Variants in DOCK3 observed in about 807,000 individuals in gnomAD.
DOCK3 encodes dedicator of cytokinesis protein 3.
Under a neutral mutation model 265.6 loss-of-function variants are expected in DOCK3, and 60 were observed. That is an observed-to-expected ratio of 0.23 (90% confidence interval 0.18 to 0.28). The LOEUF is 0.28. Among genes scored for constraint, DOCK3 ranks in the 10% least tolerant of loss-of-function variants. The probability of loss-of-function intolerance (pLI) is 1.00; values close to 1 mark genes in which losing one functional copy is unlikely to be tolerated. For synonymous variants in DOCK3, 881 were observed against 938.0 expected, an observed-to-expected ratio of 0.94 and a Z score of 1.11; for missense variants, 1,981 against 2,594.3, an observed-to-expected ratio of 0.76 and a Z score of 5.14.
At chr3:50,998,759 A>G (rs1559916728) in intron 5 of DOCK3, among the ~76,000 whole-genome samples, 1 of 152,248 alleles carries the variant, frequency 6.6e-6, no homozygotes, top group Non-Finnish European at 1.5e-5. Context: ...GCAAAGGATT[A>G]CTGAAATTTA....
chr3:50,885,384 A>G lies in DOCK3; in HGVS notation c.163-4642A>G, dbSNP rs549114564. Among the ~76,000 whole-genome samples the G allele has an allele frequency of 1.6e-4, 19 of 115,862 alleles. No homozygotes were observed. The East Asian group carries it at 4.3e-3, about 26-fold the overall frequency. 76.0% of individuals were successfully genotyped at this position (115,862 alleles called of 152,430 possible). On this transcript the variant is annotated intron_variant, in intron 3 of 52. Coordinates refer to ENST00000266037, the MANE Select transcript of DOCK3 (RefSeq NM_004947.5). ...ATGCAGTTTTTTTTTTTTTTTTTGTATGGGCATCATCTTTTCAACTCATTT... is the reference window on the plus strand; with the variant it reads ...ATGCAGTTTTTTTTTTTTTTTTTGTGTGGGCATCATCTTTTCAACTCATTT...
intron 51 of DOCK3, among the ~76,000 whole-genome samples, chr3:51,377,519 C>A (rs1414761974): frequency 1.3e-5 from 2 of 152,222 alleles, no homozygotes; most frequent in Non-Finnish European, 2.9e-5. Flanking sequence ...CGGCCTCAGG[C>A]CAGTGCTGGA....
At chr3:51,333,378 G>GC in intron 35 of DOCK3, 125 bp downstream of exon 35, 11 of 950,418 alleles carry the variant, frequency 1.2e-5, no homozygotes, top group Non-Finnish European at 1.8e-5. Flanking sequence ...GATATTGGGT[G>GC]CCATCACCAG....
intron 5 of DOCK3, among the ~76,000 whole-genome samples, chr3:50,951,808 A>G (rs1473769564): frequency 2.0e-5 from 3 of 152,276 alleles, no homozygotes; most frequent in Non-Finnish European, 2.9e-5. Context: ...AAAATAATAC[A>G]TAAGACCTCA....
At chr3:51,368,578 C>T (rs974235459) in intron 49 of DOCK3, among the ~76,000 whole-genome samples, 16 of 152,222 alleles carry the variant, frequency 1.1e-4, no homozygotes, top group Admixed American at 3.9e-4. Flanking sequence ...GGGTGGAGCC[C>T]ACTGCAGCTC....
rs552207914 is a variant in DOCK3, at chr3:50,839,805, G to A, written c.122-1870G>A. Among the ~76,000 whole-genome samples the A allele has an allele frequency of 1.5e-4, 20 of 136,624 alleles. No individual in the cohort carries two copies. In the South Asian group the frequency reaches 1.5e-3, roughly 10 times the overall value. The allele number at this position is 136,624 out of a possible 152,430, so 89.6% of individuals were successfully genotyped here. On this transcript the variant is annotated intron_variant, in intron 2 of 52. Coordinates refer to ENST00000266037, the MANE Select transcript of DOCK3 (RefSeq NM_004947.5). ...TTTTTTTGAGATGGAGTATCACTCT[G>A]TTGCCCAGGCTGGAGTGCAGTGGCA...
intron 2 of DOCK3, chr3:50,786,924 A>T (rs2042213238): frequency 1.4e-6 from 1 of 737,988 alleles, no homozygotes; most frequent in Non-Finnish European, 2.6e-6. Flanking sequence ...CTGCATTTGA[A>T]TGATTTTCCA....
chr3:50,913,693 TGA>T (rs1294482412), intron 4 of DOCK3, among the ~76,000 whole-genome samples: 1 of 152,136 alleles, frequency 6.6e-6, no homozygotes, highest in Non-Finnish European at 1.5e-5. Flanking sequence ...GGGCATCAGC[TGA>T]GTTTCATCTG....
At chr3:51,076,035 G>A (rs913721796) in intron 7 of DOCK3, among the ~76,000 whole-genome samples, 3 of 152,296 alleles carry the variant, frequency 2.0e-5, no homozygotes, top group Non-Finnish European at 4.4e-5. Context: ...TCATCTTGAA[G>A]AGTATGTATT....
intron 3 of DOCK3, among the ~76,000 whole-genome samples, chr3:50,864,247 C>T (rs2047041344): frequency 1.3e-5 from 2 of 152,090 alleles, no homozygotes; most frequent in African/African-American, 4.8e-5. Flanking sequence ...GCCATTTGTA[C>T]ATCTTTTGAG....
At chr3:51,314,374 G>A (rs1411760855) in intron 31 of DOCK3, among the ~76,000 whole-genome samples, 2 of 152,198 alleles carry the variant, frequency 1.3e-5, no homozygotes, top group African/African-American at 2.4e-5. Context: ...TTCAGGGTGG[G>A]TAAAGAGAGA....
chr3:51,053,919 T>C (rs560749951), intron 5 of DOCK3, among the ~76,000 whole-genome samples: 7 of 152,236 alleles, frequency 4.6e-5, no homozygotes, highest in Non-Finnish European at 8.8e-5. Flanking sequence ...AATCTGACTA[T>C]GTTCAAGCAC....
intron 46 of DOCK3, among the ~76,000 whole-genome samples, chr3:51,358,349 C>T (rs1299636077): frequency 6.6e-6 from 1 of 152,194 alleles, no homozygotes. Flanking sequence ...TGCTAGTAGA[C>T]AGGTTTTCAT....
chr3:51,296,659 G>A (rs1383595011), intron 27 of DOCK3, among the ~76,000 whole-genome samples: 2 of 151,904 alleles, frequency 1.3e-5, no homozygotes, highest in Non-Finnish European at 2.9e-5. Context: ...TGTATTTTTA[G>A]TAGAGATGGG....
chr3:50,878,635 A>G (rs2047849981), intron 3 of DOCK3, among the ~76,000 whole-genome samples: 2 of 152,212 alleles, frequency 1.3e-5, no homozygotes, highest in Admixed American at 1.3e-4. Flanking sequence ...ATGTGAAAAG[A>G]CCAAATCTGT....
chr3:51,221,215 G>C (rs1053496318), intron 14 of DOCK3, among the ~76,000 whole-genome samples: 6 of 152,256 alleles, frequency 3.9e-5, no homozygotes, highest in Non-Finnish European at 8.8e-5. Context: ...GCCAATCCCT[G>C]TCATAATAAC....
chr3:51,143,022 G>T (rs1038104474), intron 9 of DOCK3, among the ~76,000 whole-genome samples: 1 of 152,028 alleles, frequency 6.6e-6, no homozygotes, highest in African/African-American at 2.4e-5. Flanking sequence ...GAGCAGCTAG[G>T]ATTACAGGCA....
intron 4 of DOCK3, among the ~76,000 whole-genome samples, chr3:50,918,238 A>T (rs915328142): frequency 6.6e-6 from 1 of 152,112 alleles, no homozygotes; most frequent in Non-Finnish European, 1.5e-5. Context: ...ATGTGTCTTT[A>T]TAGTAGCATG....
intron 1 of DOCK3, among the ~76,000 whole-genome samples, chr3:50,710,247 A>G (rs2036669269): frequency 6.6e-6 from 1 of 152,230 alleles, no homozygotes; most frequent in Non-Finnish European, 1.5e-5. Context: ...GAATAGGAGA[A>G]AATCTTTGCA....
Sources: gnomAD v4.1 joint callset for allele counts (sites outside exome capture counted in the v4.1 genomes callset) on GRCh38, gnomAD v4.1.1 for gene constraint, MANE v1.5 for transcripts, NCBI Gene and HGNC (gene_info 2026-07-23, HGNC 2026-07-21) for gene names.